The following PHF21B variants were observed in gnomAD, a reference collection of about 807,000 sequenced individuals.
PHF21B encodes PHD finger protein 21B, also known as PHD finger protein 4.
PHF21B carries 22 observed loss-of-function variants against 62.2 expected under a neutral mutation model. That is an observed-to-expected ratio of 0.35 (90% CI 0.25 to 0.51). PHF21B has a LOEUF of 0.51. PHF21B is among the 20% of genes least tolerant of loss of function. The pLI is 0.97. For synonymous variants in PHF21B, 341 were observed against 314.7 expected (o/e 1.08, Z -0.88); for missense variants, 701 against 707.9 (o/e 0.99, Z 0.11).
At chr22:45,004,337 G>T (rs988488894) in intron 2 of PHF21B, among the ~76,000 whole-genome samples, 29 of 152,200 alleles carry the variant, frequency 1.9e-4, no homozygotes, top group African/African-American at 6.7e-4. Context: ...GTGGGCGCAG[G>T]GCGATGAAGG....
intron 5 of PHF21B, among the ~76,000 whole-genome samples, chr22:44,908,005 G>T (rs891021871): frequency 6.6e-6 from 1 of 152,152 alleles, no homozygotes; most frequent in African/African-American, 2.4e-5. Flanking sequence ...CCCCTTTCAC[G>T]CCCATAATGT....
At chr22:44,961,561 C>A (rs1266500901) in intron 2 of PHF21B, among the ~76,000 whole-genome samples, 1 of 152,104 alleles carries the variant, frequency 6.6e-6, no homozygotes, top group Non-Finnish European at 1.5e-5. Flanking sequence ...GGCCTACAGG[C>A]TGGGCGTGGT....
intron 2 of PHF21B, among the ~76,000 whole-genome samples, chr22:45,000,040 C>G (rs1050549930): frequency 1.1e-4 from 17 of 152,120 alleles, no homozygotes; most frequent in African/African-American, 3.4e-4. Flanking sequence ...TTATTAATCC[C>G]CTTTTATAAC....
intron 4 of PHF21B, among the ~76,000 whole-genome samples, chr22:44,915,550 G>A (rs1009801367): frequency 8.5e-5 from 13 of 152,320 alleles, no homozygotes; most frequent in African/African-American, 3.1e-4. Flanking sequence ...TCAGTGGGCG[G>A]GAGAGCCTGG....
At chr22:44,986,689 A>C (rs2147493790) in intron 2 of PHF21B, among the ~76,000 whole-genome samples, 1 of 152,304 alleles carries the variant, frequency 6.6e-6, no homozygotes, top group South Asian at 2.1e-4. Flanking sequence ...TGTCCACTGC[A>C]ACAGTCTTGA....
chr22:44,920,443 G>A lies in PHF21B; in HGVS notation c.168C>T (p.Ser56=). 1.9e-6 allele frequency: 3 copies of A among 1,613,326 alleles called. No homozygotes were observed. Among genetic ancestry groups the A allele is most frequent in the Non-Finnish European group, 1.7e-6 (2 of 1,179,646 alleles). The change falls in exon 3 of 13, where the codon AGC becomes AGT. Residue 56 remains serine (S), a synonymous_variant. Coordinates refer to ENST00000313237, the MANE Select transcript of PHF21B (RefSeq NM_138415.5). ...CTTGCCCGGCCAACCTCTGCAAGGA[G>A]CTGACCTGAGGACCCGTGACAGGCA... The part of the protein sequence containing the change: ...TAVPVTGPQV[S]SLQRLAGQGA...
At chr22:44,955,429 T>C (rs1032447488) in intron 2 of PHF21B, among the ~76,000 whole-genome samples, 4 of 152,314 alleles carry the variant, frequency 2.6e-5, no homozygotes, top group Non-Finnish European at 4.4e-5. Flanking sequence ...CTGGTAAGTA[T>C]GCTTTCTGGG....
At chr22:44,964,959 G>C (rs1317157314) in intron 2 of PHF21B, among the ~76,000 whole-genome samples, 1 of 152,178 alleles carries the variant, frequency 6.6e-6, no homozygotes, top group African/African-American at 2.4e-5. Flanking sequence ...CCGTACACTG[G>C]AGATGAGGTG....
intron 9 of PHF21B, 39 bp downstream of exon 9, chr22:44,889,721 C>T (rs866435336): frequency 7.6e-6 from 12 of 1,581,272 alleles, no homozygotes; most frequent in Non-Finnish European, 9.4e-6. Context: ...AAACATTCTC[C>T]ACCCCGGAAG....
At chr22:44,961,826 C>T (rs1474313481) in intron 2 of PHF21B, among the ~76,000 whole-genome samples, 2 of 151,142 alleles carry the variant, frequency 1.3e-5, no homozygotes, top group African/African-American at 2.4e-5. Flanking sequence ...GCCTGGGTGA[C>T]AGAGCGAGAC....
intron 5 of PHF21B, among the ~76,000 whole-genome samples, chr22:44,904,895 C>A (rs1000186393): frequency 6.6e-6 from 1 of 152,184 alleles, no homozygotes; most frequent in African/African-American, 2.4e-5. Context: ...CGGCAGTCTG[C>A]AGATATTTAT....
intron 2 of PHF21B, among the ~76,000 whole-genome samples, chr22:44,957,100 C>T (rs548381010): frequency 6.6e-6 from 1 of 152,290 alleles, no homozygotes; most frequent in Admixed American, 6.5e-5. Flanking sequence ...CCCCCTCCCT[C>T]CTCCCTCTGA....
At chr22:44,940,727 G>A (rs1033914518) in intron 2 of PHF21B, among the ~76,000 whole-genome samples, 18 of 152,212 alleles carry the variant, frequency 1.2e-4, no homozygotes, top group Non-Finnish European at 2.5e-4. Context: ...CGAAGGAAGA[G>A]GCAGACTAAC....
At chr22:44,921,911 G>A (rs763416623) in intron 2 of PHF21B, among the ~76,000 whole-genome samples, 4 of 152,034 alleles carry the variant, frequency 2.6e-5, no homozygotes, top group South Asian at 2.1e-4. Flanking sequence ...CACCCACCTC[G>A]GCCTCCCAAA....
chr22:44,978,323 GA>G (rs2072776148), intron 2 of PHF21B, among the ~76,000 whole-genome samples: 1 of 152,056 alleles, frequency 6.6e-6, no homozygotes, highest in Non-Finnish European at 1.5e-5. Flanking sequence ...TCGTCTGGAA[GA>G]AACAAAAAGG....
chr22:44,896,878 C>CTTTTTTTTTTT (rs1439624625), intron 5 of PHF21B, among the ~76,000 whole-genome samples: 5 of 37,318 alleles, frequency 1.3e-4, no homozygotes, highest in South Asian at 1.5e-3. Context: ...TTAGTTTTAT[C>CTTTTTTTTTTT]TGTTTTTTTT....
At chr22:44,895,623 C>T (rs1318179828) in intron 6 of PHF21B, among the ~76,000 whole-genome samples, 2 of 152,146 alleles carry the variant, frequency 1.3e-5, no homozygotes, top group African/African-American at 4.8e-5. Flanking sequence ...AGTAACCTGC[C>T]CACACTTAAG....
At chr22:44,994,257 G>A (rs2073084818) in intron 2 of PHF21B, among the ~76,000 whole-genome samples, 1 of 152,262 alleles carries the variant, frequency 6.6e-6, no homozygotes, top group Non-Finnish European at 1.5e-5. Flanking sequence ...CATTACAGAT[G>A]TAATTAGTTA....
At chr22:44,955,330 T>C (rs898565095) in intron 2 of PHF21B, among the ~76,000 whole-genome samples, 2 of 152,176 alleles carry the variant, frequency 1.3e-5, no homozygotes, top group African/African-American at 4.8e-5. Flanking sequence ...CACAGGGGTG[T>C]TGTGACCTCA....
Sources: gnomAD v4.1 joint callset for allele counts (sites outside exome capture counted in the v4.1 genomes callset) on GRCh38, gnomAD v4.1.1 for gene constraint, MANE v1.5 for transcripts, NCBI Gene and HGNC (gene_info 2026-07-23, HGNC 2026-07-21) for gene names.